The following FSIP1 variants were observed in gnomAD, a reference collection of about 807,000 sequenced individuals.
FSIP1 encodes the protein fibrous sheath interacting protein 1.
A neutral mutation model predicts 60.9 loss-of-function variants in FSIP1; 65 were observed. The ratio of observed to expected loss-of-function variants is 1.07; its 90% CI spans 0.87 to 1.31. FSIP1 has a LOEUF of 1.31. Among genes scored for constraint, FSIP1 ranks in the 40% most tolerant of loss-of-function variants. FSIP1 has a pLI of 0.00. For missense variants in FSIP1, 675 were observed against 665.5 expected, an observed-to-expected ratio of 1.01 and a Z score of -0.16; for synonymous variants, 209 against 221.2, an observed-to-expected ratio of 0.94 and a Z score of 0.49.
intron 10 of FSIP1, among the ~76,000 whole-genome samples, chr15:39,640,758 A>T (rs1357275275): frequency 6.6e-6 from 1 of 152,044 alleles, no homozygotes; most frequent in Non-Finnish European, 1.5e-5. Context: ...AATGACATAC[A>T]GAAATTGGAA....
intron 10 of FSIP1, among the ~76,000 whole-genome samples, chr15:39,636,749 C>A (rs1566862717): frequency 6.6e-6 from 1 of 152,232 alleles, no homozygotes; most frequent in African/African-American, 2.4e-5. Context: ...TGACAACTTG[C>A]ATTACTGCAT....
chr15:39,677,231 T>C (rs899752912), intron 10 of FSIP1, among the ~76,000 whole-genome samples: 4 of 152,226 alleles, frequency 2.6e-5, no homozygotes, highest in Non-Finnish European at 5.9e-5. Context: ...TTCAGAAAAG[T>C]ATTCCATGAT....
chr15:39,661,153 A>G (rs759402321), intron 10 of FSIP1, among the ~76,000 whole-genome samples: 5 of 152,226 alleles, frequency 3.3e-5, no homozygotes, highest in African/African-American at 7.2e-5. Context: ...GGAAAAACAC[A>G]CTAGATTGTT....
At chr15:39,726,477 G>A (rs910905260) in intron 9 of FSIP1, 112 bp downstream of exon 9, 10 of 1,072,554 alleles carry the variant, frequency 9.3e-6, no homozygotes, top group Non-Finnish European at 1.4e-5. Flanking sequence ...TATACACACT[G>A]TTATGAAACT....
chr15:39,648,033 G>A (rs949958547), intron 10 of FSIP1, among the ~76,000 whole-genome samples: 4 of 151,656 alleles, frequency 2.6e-5, no homozygotes, highest in East Asian at 1.9e-4. Flanking sequence ...TGGGGGGAGC[G>A]GGGAGGGATA....
intron 5 of FSIP1, among the ~76,000 whole-genome samples, chr15:39,748,970 A>G (rs1402054748): frequency 6.6e-6 from 1 of 152,018 alleles, no homozygotes; most frequent in African/African-American, 2.4e-5. Flanking sequence ...GAAAACAAAG[A>G]AATTACAACA....
intron 11 of FSIP1, among the ~76,000 whole-genome samples, chr15:39,606,626 T>C (rs548993007): frequency 1.3e-5 from 2 of 152,180 alleles, no homozygotes; most frequent in Non-Finnish European, 2.9e-5. Flanking sequence ...TGCTAACTTA[T>C]ACAATTTTTC....
intron 10 of FSIP1, among the ~76,000 whole-genome samples, chr15:39,661,079 A>C (rs531978009): frequency 2.2e-4 from 33 of 152,334 alleles, no homozygotes; most frequent in South Asian, 4.1e-4. Context: ...ATAAATAAAT[A>C]AATCAATAAA....
At chr15:39,715,445 A>G (rs1671102908) in intron 9 of FSIP1, among the ~76,000 whole-genome samples, 1 of 152,138 alleles carries the variant, frequency 6.6e-6, no homozygotes, top group African/African-American at 2.4e-5. Context: ...TGCAAACTAT[A>G]ATCCTGAAGC....
chr15:39,768,385 T>C (rs1897762710), intron 3 of FSIP1, among the ~76,000 whole-genome samples: 1 of 152,244 alleles, frequency 6.6e-6, no homozygotes, highest in Non-Finnish European at 1.5e-5. Flanking sequence ...TAGCTATTGA[T>C]AATGAACATA....
chr15:39,699,427 T>C (rs1894965055), intron 10 of FSIP1, among the ~76,000 whole-genome samples: 1 of 152,234 alleles, frequency 6.6e-6, no homozygotes, highest in African/African-American at 2.4e-5. Context: ...ATAATGTCTA[T>C]TATGTGGATC....
rs962712824 is a variant in FSIP1, at chr15:39,782,663, T to G, written c.-43A>C. The G allele has an allele frequency of 6.6e-6, 1 of 152,402 alleles. No homozygotes were observed. The highest frequency in any genetic ancestry group is 6.5e-5 in the Admixed American group (1 of 15,280). The allele number at this position is 152,402 out of a possible 1,614,324, so 9.4% of individuals were successfully genotyped here. A position where few individuals can be genotyped will look rare whatever the true frequency, so the allele number is the denominator to read the frequency against. ...GGCCTCCTCGAGGAACTGGCCGCCG[T>G]CAGTCAGGGCGCAGATGGCCGCAGA... On this transcript the variant is annotated 5_prime_UTR_variant, in exon 1 of 12. Coordinates refer to ENST00000350221, the MANE Select transcript of FSIP1 (RefSeq NM_152597.5).
chr15:39,725,392 T>C (rs534389633), intron 9 of FSIP1, among the ~76,000 whole-genome samples: 2 of 152,338 alleles, frequency 1.3e-5, no homozygotes, highest in South Asian at 4.1e-4. Context: ...CAGCTGTTCC[T>C]GTCCGCCAGA....
At chr15:39,642,408 A>G (rs1490457284) in intron 10 of FSIP1, among the ~76,000 whole-genome samples, 3 of 152,188 alleles carry the variant, frequency 2.0e-5, no homozygotes, top group African/African-American at 4.8e-5. Flanking sequence ...GCTGACATAC[A>G]TGAGTGGCTG....
chr15:39,773,952 T>C (rs983115871), intron 2 of FSIP1, among the ~76,000 whole-genome samples: 1 of 152,232 alleles, frequency 6.6e-6, no homozygotes, highest in African/African-American at 2.4e-5. Flanking sequence ...ATGGTAGTTA[T>C]ATCACTCAAT....
chr15:39,618,887 A>ATTCC (rs1891340541), intron 10 of FSIP1, among the ~76,000 whole-genome samples: 1 of 152,198 alleles, frequency 6.6e-6, no homozygotes, highest in African/African-American at 2.4e-5. Flanking sequence ...ATACCATAAC[A>ATTCC]TTTGAGTTGC....
downstream of FSIP1, chr15:39,598,462 A>C (rs1010062041): frequency 6.6e-6 from 1 of 152,248 alleles, no homozygotes; most frequent in African/African-American, 2.4e-5. Flanking sequence ...AATGGCAAAG[A>C]ATTAAATACC....
chr15:39,670,107 G>A (rs16969529), intron 10 of FSIP1, among the ~76,000 whole-genome samples: 1,940 of 152,298 alleles, frequency 0.013, 43 homozygotes, highest in African/African-American at 0.044. Context: ...GTGAGGATAA[G>A]TTTTAAAACA....
intron 10 of FSIP1, among the ~76,000 whole-genome samples, chr15:39,643,135 G>A (rs1221902778): frequency 6.6e-6 from 1 of 152,118 alleles, no homozygotes; most frequent in East Asian, 1.9e-4. Flanking sequence ...TCATTTTTAG[G>A]CACTGGCAGA....
Sources: allele counts gnomAD v4.1 joint callset (sites outside exome capture counted in the v4.1 genomes callset), GRCh38; gene constraint gnomAD v4.1.1; transcripts MANE v1.5; gene names NCBI Gene and HGNC (gene_info 2026-07-23, HGNC 2026-07-21).